The following ITFG1 variants were observed in gnomAD, a reference collection of about 807,000 sequenced individuals.
ITFG1 encodes the protein T-cell immunomodulatory protein.
Under a neutral mutation model 81.8 loss-of-function variants are expected in ITFG1, and 34 were observed. That is an observed-to-expected ratio of 0.42 (90% confidence interval 0.32 to 0.55). ITFG1 has a LOEUF of 0.55. ITFG1 is among the 20% of genes least tolerant of loss of function. The probability of loss-of-function intolerance (pLI) is 0.17; values close to 1 mark genes in which losing one functional copy is unlikely to be tolerated. For missense variants in ITFG1, 672 were observed against 755.4 expected (o/e 0.89, Z 1.29); for synonymous variants, 285 against 270.6 (o/e 1.05, Z -0.52).
chr16:47,173,601 T>C (rs947957567), intron 14 of ITFG1, among the ~76,000 whole-genome samples: 10 of 152,354 alleles, frequency 6.6e-5, no homozygotes, highest in Admixed American at 3.3e-4. Context: ...AAGTTTTTAA[T>C]ATTTTATAAT....
chr16:47,341,400 G>GAAAAAAAA (rs545419792), intron 8 of ITFG1, among the ~76,000 whole-genome samples: 1 of 64,348 alleles, frequency 1.6e-5, no homozygotes, highest in South Asian at 5.1e-4. Flanking sequence ...CTGCGCCACT[G>GAAAAAAAA]AAAAAAAAAA....
intron 14 of ITFG1, among the ~76,000 whole-genome samples, chr16:47,166,081 T>C (rs1486559792): frequency 6.6e-6 from 1 of 152,172 alleles, no homozygotes; most frequent in Non-Finnish European, 1.5e-5. Flanking sequence ...TGACCAGCAT[T>C]AACATCAATA....
At chr16:47,403,852 CA>C (rs1442687620) in intron 6 of ITFG1, among the ~76,000 whole-genome samples, 2 of 150,806 alleles carry the variant, frequency 1.3e-5, no homozygotes, top group Non-Finnish European at 2.9e-5. Context: ...TTCTCTAGGT[CA>C]GGGGTCCCTA....
intron 6 of ITFG1, among the ~76,000 whole-genome samples, chr16:47,389,464 T>C (rs1968504240): frequency 6.6e-6 from 1 of 151,852 alleles, no homozygotes; most frequent in Non-Finnish European, 1.5e-5. Context: ...TGACACCAGA[T>C]GGTAACTTGA....
At chr16:47,396,227 C>T (rs1355927561) in intron 6 of ITFG1, 17 of 920,540 alleles carry the variant, frequency 1.8e-5, no homozygotes, top group Non-Finnish European at 2.2e-5. Context: ...TGTTAAATGC[C>T]AAAATGGAGT....
Position 47,365,820 on chromosome 16 carries a change from A to G in ITFG1, c.770T>C (p.Met257Thr), listed in dbSNP as rs758310764. 3.1e-6 allele frequency: 5 copies of G among 1,606,576 alleles called. No individual in the cohort carries two copies. Among genetic ancestry groups the G allele is most frequent in the Non-Finnish European group, 4.3e-6 (5 of 1,174,594 alleles). Residue 257 changes from methionine (M) to threonine (T), a missense_variant, in exon 8 of 18, where the codon ATG becomes ACG. By Grantham distance (81) the Met-to-Thr change is moderately conservative (BLOSUM62 -1). This residue lies in a region of ITFG1 where 560 missense variants were observed against 625.7 expected (regional missense o/e 0.90). Transcript: ENST00000320640. ...TGCAAATGCTGACTGTCCAACCACC[A>G]TCATATTTTGAGGTTTTTCCAATAT... ...STILEKPQNM[M>T]VVGQSAFADF...
chr16:47,376,349 A>G (rs1276614563), intron 6 of ITFG1, among the ~76,000 whole-genome samples: 1 of 152,214 alleles, frequency 6.6e-6, no homozygotes, highest in Non-Finnish European at 1.5e-5. Flanking sequence ...ATTATTTTAA[A>G]TAACAGTATT....
At chr16:47,198,475 A>G (rs1340274303) in intron 14 of ITFG1, among the ~76,000 whole-genome samples, 1 of 152,252 alleles carries the variant, frequency 6.6e-6, no homozygotes, top group Non-Finnish European at 1.5e-5. Context: ...AATTATGTAC[A>G]GTACATAATA....
intron 13 of ITFG1, among the ~76,000 whole-genome samples, chr16:47,226,731 A>G (rs932840626): frequency 3.9e-5 from 6 of 151,962 alleles, no homozygotes; most frequent in African/African-American, 1.5e-4. Flanking sequence ...ATCTATTTCA[A>G]CCAAGGCAAC....
At chr16:47,434,270 A>G (rs1047588989) in intron 5 of ITFG1, among the ~76,000 whole-genome samples, 1 of 152,084 alleles carries the variant, frequency 6.6e-6, no homozygotes, top group African/African-American at 2.4e-5. Context: ...GTGAACTGAC[A>G]GCCTACAGAA....
intron 8 of ITFG1, among the ~76,000 whole-genome samples, chr16:47,337,092 G>A (rs1020266320): frequency 6.8e-6 from 1 of 147,468 alleles, no homozygotes; most frequent in Non-Finnish European, 1.5e-5. Context: ...GAGCTGAGAT[G>A]GTGCCATTGC....
intron 12 of ITFG1, among the ~76,000 whole-genome samples, chr16:47,243,100 T>C (rs1965956063): frequency 1.3e-5 from 2 of 152,058 alleles, no homozygotes; most frequent in Non-Finnish European, 2.9e-5. Context: ...TAATAAGAGA[T>C]TGAAAACCAC....
intron 8 of ITFG1, among the ~76,000 whole-genome samples, chr16:47,327,537 C>T (rs1567461722): frequency 1.3e-5 from 2 of 152,158 alleles, no homozygotes; most frequent in East Asian, 1.9e-4. Context: ...AGTGAACAGG[C>T]AACCTACAAA....
At chr16:47,205,236 G>A (rs1965478091) in intron 14 of ITFG1, among the ~76,000 whole-genome samples, 1 of 152,154 alleles carries the variant, frequency 6.6e-6, no homozygotes, top group African/African-American at 2.4e-5. Flanking sequence ...TTTTTGTTGA[G>A]GGAGCTGTTC....
At chr16:47,164,382 C>T (rs562584490) in intron 14 of ITFG1, among the ~76,000 whole-genome samples, 4 of 152,308 alleles carry the variant, frequency 2.6e-5, no homozygotes, top group Admixed American at 1.3e-4. Context: ...ACATCTCCCA[C>T]CCTTTGTCAA....
At chr16:47,341,421 A>G (rs1967782306) in intron 8 of ITFG1, among the ~76,000 whole-genome samples, 1 of 150,156 alleles carries the variant, frequency 6.7e-6, no homozygotes, top group African/African-American at 2.4e-5. Context: ...AAAAAAGAAA[A>G]AAAAAAAGAA....
At chr16:47,234,866 G>A (rs1445505285) in intron 13 of ITFG1, among the ~76,000 whole-genome samples, 6 of 152,110 alleles carry the variant, frequency 3.9e-5, no homozygotes, top group African/African-American at 1.4e-4. Flanking sequence ...TCACAGGAGC[G>A]GTTTCCCCCA....
intron 5 of ITFG1, among the ~76,000 whole-genome samples, chr16:47,436,605 A>C (rs1488201989): frequency 1.3e-5 from 2 of 152,202 alleles, no homozygotes; most frequent in Non-Finnish European, 2.9e-5. Context: ...TCATAGATGT[A>C]AATGCTAAGA....
intron 5 of ITFG1, among the ~76,000 whole-genome samples, chr16:47,445,003 T>C (rs980013905): frequency 3.3e-5 from 5 of 151,466 alleles, no homozygotes; most frequent in Non-Finnish European, 7.4e-5. Context: ...AAACAAAAAC[T>C]GTCATGCTAC....
Sources: gnomAD v4.1 joint callset for allele counts (sites outside exome capture counted in the v4.1 genomes callset) on GRCh38, gnomAD v4.1.1 for gene constraint, gnomAD v4.1.1 regional missense constraint, MANE v1.5 for transcripts, NCBI Gene and HGNC (gene_info 2026-07-23, HGNC 2026-07-21) for gene names.